ARID2: variants seen among roughly 807,000 people sequenced by gnomAD.
ARID2 encodes AT-rich interactive domain-containing protein 2.
ARID2 carries 32 observed loss-of-function variants against 184.6 expected under a neutral mutation model. That is an observed-to-expected ratio of 0.17 (90% CI 0.13 to 0.23). The LOEUF is 0.23. Among genes scored for constraint, ARID2 ranks in the 10% least tolerant of loss-of-function variants. ARID2 has a pLI of 1.00. For missense variants in ARID2, 1,696 were observed against 2,197.6 expected, an observed-to-expected ratio of 0.77 and a Z score of 4.56; for synonymous variants, 836 against 772.6, an observed-to-expected ratio of 1.08 and a Z score of -1.36.
chr12:45,746,627 G>A (rs1236984264), intron 3 of ARID2, among the ~76,000 whole-genome samples: 3 of 151,856 alleles, frequency 2.0e-5, no homozygotes, highest in African/African-American at 4.8e-5. Flanking sequence ...GCCATGTGCC[G>A]GGCACTGCAC....
rs118001105 is a variant in ARID2, at chr12:45,896,674, G to A, written c.5363+2953G>A. Among the ~76,000 whole-genome samples, 1,230 of 152,216 alleles carry A rather than the reference G, an allele frequency of 8.1e-3. 14 individuals are homozygous for A. Among genetic ancestry groups the A allele is most frequent in the East Asian group, 0.031 (162 of 5,166 alleles). On this transcript the variant is annotated intron_variant, in intron 20 of 20. Coordinates refer to ENST00000334344, the MANE Select transcript of ARID2 (RefSeq NM_152641.4). The stretch of plus-strand genomic sequence containing the variant: ...TCTTGGGTATGTCTTTATCAGCAGC[G>A]TGAAAACGGACTAATACAAAGGCTA...
chr12:45,843,953 A>G (rs1424066627), intron 11 of ARID2, among the ~76,000 whole-genome samples: 1 of 152,188 alleles, frequency 6.6e-6, no homozygotes, highest in Non-Finnish European at 1.5e-5. Context: ...TTTCCTTCAG[A>G]ATTTTAACAG....
Position 45,907,414 on chromosome 12 carries a change from A to G in ARID2, c.*2336A>G, listed in dbSNP as rs1944542890. On this transcript the variant is annotated 3_prime_UTR_variant, in exon 21 of 21. Transcript: ENST00000334344. ...TGGTTTTCATATTCACCATTCTTCC[A>G]CCTCATTGAATTGCATGCTGTAGTT... 4.3e-6 allele frequency: 1 copy of G among 233,204 alleles called. No individual in the cohort carries two copies. The highest frequency in any genetic ancestry group is 1.8e-4 in the South Asian group (1 of 5,532). The allele number at this position is 233,204 out of a possible 1,614,324, so 14.4% of individuals were successfully genotyped here. A position where few individuals can be genotyped will look rare whatever the true frequency, so the allele number is the denominator to read the frequency against.
intron 3 of ARID2, among the ~76,000 whole-genome samples, chr12:45,743,605 T>C (rs748618895): frequency 2.6e-5 from 4 of 152,330 alleles, no homozygotes; most frequent in Non-Finnish European, 5.9e-5. Context: ...GGTTATTCTT[T>C]AATGTTTATT....
chr12:45,812,906 C>T (rs868705562), intron 4 of ARID2, among the ~76,000 whole-genome samples: 2 of 152,172 alleles, frequency 1.3e-5, no homozygotes, highest in Admixed American at 6.5e-5. Flanking sequence ...TGTTCCCAAA[C>T]AAACACTTTT....
chr12:45,894,978 C>T (rs1461999523), intron 20 of ARID2, among the ~76,000 whole-genome samples: 4 of 152,120 alleles, frequency 2.6e-5, no homozygotes, highest in Admixed American at 6.5e-5. Flanking sequence ...GAATGCCCTC[C>T]TCCCTGCGTT....
intron 3 of ARID2, among the ~76,000 whole-genome samples, chr12:45,775,529 T>C (rs997191113): frequency 1.3e-5 from 2 of 152,228 alleles, no homozygotes; most frequent in African/African-American, 2.4e-5. Flanking sequence ...TATTCATTAC[T>C]GTTCTTACAA....
At chr12:45,785,505 T>C (rs1300815773) in intron 3 of ARID2, among the ~76,000 whole-genome samples, 2 of 152,102 alleles carry the variant, frequency 1.3e-5, no homozygotes, top group Non-Finnish European at 2.9e-5. Context: ...CAATGAACTA[T>C]GATTTAGAAG....
intron 11 of ARID2, 26 bp downstream of exon 11, chr12:45,839,522 C>A (rs1943298047): frequency 1.3e-6 from 2 of 1,598,956 alleles, no homozygotes; most frequent in Non-Finnish European, 1.7e-6. Flanking sequence ...TATTCTTTTT[C>A]AGTGTGGTTA....
intron 16 of ARID2, among the ~76,000 whole-genome samples, chr12:45,870,647 A>T (rs1055456481): frequency 2.0e-5 from 3 of 151,418 alleles, no homozygotes; most frequent in Non-Finnish European, 4.4e-5. Flanking sequence ...GCAGCCACTC[A>T]TTTTTTTTAC....
intron 3 of ARID2, among the ~76,000 whole-genome samples, chr12:45,753,309 A>G (rs1208104026): frequency 6.6e-6 from 1 of 152,022 alleles, no homozygotes; most frequent in Non-Finnish European, 1.5e-5. Flanking sequence ...AAAAAAAAAA[A>G]AGTGTTTCCC....
chr12:45,761,325 C>T (rs1052784509), intron 3 of ARID2, among the ~76,000 whole-genome samples: 2 of 152,010 alleles, frequency 1.3e-5, no homozygotes, highest in African/African-American at 4.8e-5. Flanking sequence ...TTTTTCCTTC[C>T]CATATTTTGT....
chr12:45,873,746 G>A (rs1943962845), intron 16 of ARID2, among the ~76,000 whole-genome samples: 1 of 152,072 alleles, frequency 6.6e-6, no homozygotes, highest in African/African-American at 2.4e-5. Context: ...AAAATAAAAA[G>A]GTACATACCT....
intron 3 of ARID2, among the ~76,000 whole-genome samples, chr12:45,735,464 CAG>C (rs1415547000): frequency 9.0e-6 from 1 of 111,338 alleles, no homozygotes; most frequent in African/African-American, 3.6e-5. Context: ...TGTGTGTAGA[CAG>C]GGGTCTTGCT....
chr12:45,753,310 A>G (rs963891673), intron 3 of ARID2, among the ~76,000 whole-genome samples: 15 of 151,952 alleles, frequency 9.9e-5, no homozygotes, highest in African/African-American at 3.6e-4. Flanking sequence ...AAAAAAAAAA[A>G]GTGTTTCCCC....
chr12:45,811,339 AAAAC>A (rs1208584411), intron 3 of ARID2, 75 bp from the exon 4 acceptor site: 6 of 1,409,682 alleles, frequency 4.3e-6, no homozygotes, highest in Non-Finnish European at 4.7e-6. Context: ...TTAGAAAAGG[AAAAC>A]AAATATGTGG....
At chr12:45,751,721 G>A (rs941826843) in intron 3 of ARID2, among the ~76,000 whole-genome samples, 2 of 152,166 alleles carry the variant, frequency 1.3e-5, no homozygotes, top group Non-Finnish European at 2.9e-5. Flanking sequence ...GTTGCTTTAG[G>A]CTACAAACCT....
intron 20 of ARID2, among the ~76,000 whole-genome samples, chr12:45,897,107 G>A (rs149637240): frequency 0.011 from 1,708 of 152,232 alleles, 13 homozygotes; most frequent in Non-Finnish European, 0.014. Flanking sequence ...ATAGAAGAGA[G>A]GGCCCAAAAA....
intron 3 of ARID2, among the ~76,000 whole-genome samples, chr12:45,797,944 G>A (rs926299806): frequency 6.6e-6 from 1 of 151,890 alleles, no homozygotes; most frequent in Non-Finnish European, 1.5e-5. Context: ...AATAAATAAT[G>A]TAAAGGATGG....
Sources: allele counts gnomAD v4.1 joint callset (sites outside exome capture counted in the v4.1 genomes callset), GRCh38; gene constraint gnomAD v4.1.1; transcripts MANE v1.5; gene names NCBI Gene and HGNC (gene_info 2026-07-23, HGNC 2026-07-21).